SFRP1: variants seen among roughly 807,000 people sequenced by gnomAD.
The protein encoded by SFRP1 is secreted frizzled related protein 1.
Under a neutral mutation model 25.9 loss-of-function variants are expected in SFRP1, and 9 were observed. The ratio of observed to expected loss-of-function variants is 0.35; its 90% CI spans 0.21 to 0.61. The LOEUF is 0.61. Ranked by LOEUF, SFRP1 falls within the 20% of genes least tolerant of loss-of-function variation. The probability of loss-of-function intolerance (pLI) is 0.78; values close to 1 mark genes in which losing one functional copy is unlikely to be tolerated. For synonymous variants in SFRP1, 178 were observed against 174.0 expected (o/e 1.02, Z -0.18); for missense variants, 346 against 418.2 (o/e 0.83, Z 1.51).
chr8:41,284,661 A>G (rs1360260634), intron 2 of SFRP1, among the ~76,000 whole-genome samples: 1 of 152,170 alleles, frequency 6.6e-6, no homozygotes, highest in Admixed American at 6.5e-5. Context: ...CCCAGCCTGC[A>G]GGGCCCACAC....
chr8:41,281,910 G>A (rs1271603345), intron 2 of SFRP1, among the ~76,000 whole-genome samples: 1 of 152,182 alleles, frequency 6.6e-6, no homozygotes, highest in East Asian at 1.9e-4. Flanking sequence ...TGCATATGTC[G>A]TGCCTCATGG....
chr8:41,303,072 A>AG (rs1197967938), intron 2 of SFRP1, among the ~76,000 whole-genome samples: 1 of 150,170 alleles, frequency 6.7e-6, no homozygotes, highest in Non-Finnish European at 1.5e-5. Flanking sequence ...AAAAAAAAAA[A>AG]AGAGCCAGTC....
At chr8:41,302,320 C>A (rs1299020788) in intron 2 of SFRP1, among the ~76,000 whole-genome samples, 2 of 152,186 alleles carry the variant, frequency 1.3e-5, no homozygotes, top group African/African-American at 4.8e-5. Context: ...CTGAGAATGA[C>A]CCTGTCGTGA....
intron 2 of SFRP1, among the ~76,000 whole-genome samples, chr8:41,288,558 A>C (rs1356363110): frequency 6.5e-5 from 9 of 139,104 alleles, no homozygotes; most frequent in Admixed American, 4.6e-4. Flanking sequence ...AAAAAAAAAA[A>C]AAAAAAAAAA....
chr8:41,285,913 C>T (rs1317168877), intron 2 of SFRP1, among the ~76,000 whole-genome samples: 10 of 151,582 alleles, frequency 6.6e-5, no homozygotes, highest in African/African-American at 9.7e-5. Flanking sequence ...GTGTTCTCTG[C>T]GGAGTTTTGG....
At chr8:41,287,390 G>A (rs939406228) in intron 2 of SFRP1, among the ~76,000 whole-genome samples, 3 of 152,216 alleles carry the variant, frequency 2.0e-5, no homozygotes, top group Non-Finnish European at 2.9e-5. Context: ...GATGCTGAGC[G>A]CTCATTCTAA....
intron 2 of SFRP1, among the ~76,000 whole-genome samples, chr8:41,268,627 C>A (rs1279978334): frequency 6.6e-6 from 1 of 152,154 alleles, no homozygotes; most frequent in African/African-American, 2.4e-5. Flanking sequence ...AAAGAAGGCA[C>A]GTATGGCCAG....
intron 2 of SFRP1, among the ~76,000 whole-genome samples, chr8:41,270,610 T>C (rs1803491937): frequency 6.6e-6 from 1 of 151,880 alleles, no homozygotes; most frequent in Non-Finnish European, 1.5e-5. Flanking sequence ...ATATGGACAC[T>C]CAAACCTACT....
intron 2 of SFRP1, among the ~76,000 whole-genome samples, chr8:41,299,918 G>C (rs1803894213): frequency 6.6e-6 from 1 of 152,142 alleles, no homozygotes; most frequent in African/African-American, 2.4e-5. Flanking sequence ...ACAATTAACA[G>C]GCATCTCCCA....
intron 2 of SFRP1, chr8:41,275,245 T>C (rs534744929): frequency 4.6e-6 from 2 of 438,822 alleles, no homozygotes; most frequent in African/African-American, 2.1e-5. Context: ...GTTCCTCCAG[T>C]AGGAGAGCGA....
At chr8:41,299,499 TAA>T (rs576175856) in intron 2 of SFRP1, among the ~76,000 whole-genome samples, 2,882 of 55,472 alleles carry the variant, frequency 0.052, 33 homozygotes, top group East Asian at 0.13. Context: ...TTCTCCTTTA[TAA>T]AAAAAAAAAA....
chr8:41,267,471 T>C (rs933569085), intron 2 of SFRP1, among the ~76,000 whole-genome samples: 1 of 152,206 alleles, frequency 6.6e-6, no homozygotes, highest in Non-Finnish European at 1.5e-5. Context: ...AGTCACCAGA[T>C]AATTTGCGTA....
Position 41,309,296 on chromosome 8 carries a change from G to C in SFRP1, c.-137C>G. ...GCGTTGCCCGGCTCCGCGGCCGCAA[G>C]CTGCTGCCCGGTCCCCCCGGCCAGT... On this transcript the variant is annotated 5_prime_UTR_variant, in exon 1 of 3. Transcript: ENST00000220772. 9.5e-7 allele frequency: 1 copy of C among 1,050,852 alleles called. No homozygotes were observed. The highest frequency in any genetic ancestry group is 4.8e-5 in the South Asian group (1 of 20,904). The allele number at this position is 1,050,852 out of a possible 1,614,324, so 65.1% of individuals were successfully genotyped here.
chr8:41,285,276 A>C (rs1215478468), intron 2 of SFRP1, among the ~76,000 whole-genome samples: 1 of 151,954 alleles, frequency 6.6e-6, no homozygotes, highest in East Asian at 1.9e-4. Flanking sequence ...CTGGCACCAG[A>C]ACCAGGACTC....
chr8:41,308,284 CA>C (rs1177948847), intron 1 of SFRP1, among the ~76,000 whole-genome samples: 16 of 152,228 alleles, frequency 1.1e-4, no homozygotes, highest in Admixed American at 5.2e-4. Context: ...ATTTAAAGCG[CA>C]AGGCTTTGTT....
chr8:41,296,595 T>C (rs1021929378), intron 2 of SFRP1, among the ~76,000 whole-genome samples: 5 of 152,056 alleles, frequency 3.3e-5, no homozygotes, highest in African/African-American at 1.2e-4. Flanking sequence ...ATTCGCATTA[T>C]AATGCATAGC....
intron 2 of SFRP1, among the ~76,000 whole-genome samples, chr8:41,297,188 C>T (rs142185795): frequency 0.013 from 1,976 of 152,194 alleles, 123 homozygotes; most frequent in Admixed American, 0.096. Context: ...GGATTACAAG[C>T]GCCTGCCACC....
intron 1 of SFRP1, among the ~76,000 whole-genome samples, chr8:41,307,568 C>T (rs1804013867): frequency 6.6e-6 from 1 of 152,228 alleles, no homozygotes. Context: ...GTGCTAAGCG[C>T]AGCTGGGGTA....
chr8:41,280,004 G>T (rs1222566512), intron 2 of SFRP1, among the ~76,000 whole-genome samples: 2 of 152,162 alleles, frequency 1.3e-5, no homozygotes, highest in Non-Finnish European at 2.9e-5. Flanking sequence ...TAGCAGGAAG[G>T]CTTGAAGACA....
Sources: allele counts gnomAD v4.1 joint callset (sites outside exome capture counted in the v4.1 genomes callset), GRCh38; gene constraint gnomAD v4.1.1; transcripts MANE v1.5; gene names NCBI Gene and HGNC (gene_info 2026-07-23, HGNC 2026-07-21).